Variants in UNC79 observed in about 807,000 individuals in gnomAD.
UNC79 encodes the protein protein unc-79 homolog.
In UNC79, 37 loss-of-function variants were observed where a neutral mutation model predicts 283.1. That is an observed-to-expected ratio of 0.13 (90% CI 0.10 to 0.17). The LOEUF (loss-of-function observed/expected upper bound fraction) is 0.17, where lower values mean the gene tolerates loss of function less well. UNC79 is among the 10% of genes least tolerant of loss of function. UNC79 has a pLI of 1.00. For synonymous variants in UNC79, 1,107 were observed against 1,200.2 expected, an observed-to-expected ratio of 0.92 and a Z score of 1.61; for missense variants, 2,272 against 3,211.1, an observed-to-expected ratio of 0.71 and a Z score of 7.07.
chr14:93,521,560 AG>A (rs2060321573), intron 7 of UNC79, among the ~76,000 whole-genome samples: 1 of 151,862 alleles, frequency 6.6e-6, no homozygotes, highest in South Asian at 2.1e-4. Flanking sequence ...GAAGAAAGCC[AG>A]GGTGATTGTG....
chr14:93,615,839 G>A (rs938397221), intron 27 of UNC79, among the ~76,000 whole-genome samples: 35 of 150,560 alleles, frequency 2.3e-4, no homozygotes, highest in Admixed American at 2.0e-4. Context: ...CAGAAAACCC[G>A]TGTCAAAAAT....
intron 1 of UNC79, among the ~76,000 whole-genome samples, chr14:93,409,827 C>A (rs1005065091): frequency 2.6e-5 from 4 of 152,122 alleles, no homozygotes; most frequent in African/African-American, 9.7e-5. Context: ...CAATTCCAGT[C>A]AAAATTTCAA....
intron 14 of UNC79, among the ~76,000 whole-genome samples, chr14:93,568,818 A>G (rs2063053798): frequency 6.6e-6 from 1 of 152,230 alleles, no homozygotes; most frequent in African/African-American, 2.4e-5. Context: ...CCTATTCATT[A>G]TAAGGGCTAA....
At chr14:93,422,831 C>G (rs1372221641) in intron 1 of UNC79, among the ~76,000 whole-genome samples, 2 of 151,834 alleles carry the variant, frequency 1.3e-5, no homozygotes, top group East Asian at 3.9e-4. Context: ...GAGGCCGAGA[C>G]AGGTGGATCA....
At chr14:93,664,571 A>C (rs2071959085) in intron 40 of UNC79, among the ~76,000 whole-genome samples, 1 of 152,140 alleles carries the variant, frequency 6.6e-6, no homozygotes, top group South Asian at 2.1e-4. Flanking sequence ...TTGAAAGCCT[A>C]TTCACTTGGT....
At chr14:93,576,215 A>G (rs2063468180) in intron 17 of UNC79, among the ~76,000 whole-genome samples, 1 of 152,206 alleles carries the variant, frequency 6.6e-6, no homozygotes, top group Non-Finnish European at 1.5e-5. Context: ...GTGATTTCCT[A>G]CAGAAACACC....
intron 47 of UNC79, among the ~76,000 whole-genome samples, chr14:93,703,512 C>A (rs2182570): frequency 1 from 152,274 of 152,340 alleles, 76,104 homozygotes; most frequent in Middle Eastern, 1. Flanking sequence ...TAAGGACACC[C>A]GTTATATTGG....
At chr14:93,653,171 A>C (rs1235782074) in intron 35 of UNC79, among the ~76,000 whole-genome samples, 1 of 152,076 alleles carries the variant, frequency 6.6e-6, no homozygotes, top group African/African-American at 2.4e-5. Context: ...GGGCCTCATA[A>C]ATTTGGCCCT....
intron 20 of UNC79, among the ~76,000 whole-genome samples, chr14:93,586,293 C>T (rs1372804157): frequency 6.6e-6 from 1 of 152,192 alleles, no homozygotes; most frequent in Non-Finnish European, 1.5e-5. Context: ...CAGCACTGTG[C>T]AATCAATCAT....
At chr14:93,357,774 T>C (rs904774688) in intron 1 of UNC79, among the ~76,000 whole-genome samples, 6 of 92,336 alleles carry the variant, frequency 6.5e-5, no homozygotes, top group Non-Finnish European at 1.0e-4. Context: ...TATATGGATA[T>C]GTGGATATAT....
chr14:93,692,955 A>G (rs770698851), intron 46 of UNC79, among the ~76,000 whole-genome samples: 7 of 152,256 alleles, frequency 4.6e-5, no homozygotes, highest in Non-Finnish European at 7.3e-5. Context: ...GAGGGACACC[A>G]TAATGATGAT....
intron 1 of UNC79, among the ~76,000 whole-genome samples, chr14:93,349,035 A>T (rs1423687256): frequency 6.6e-6 from 1 of 152,132 alleles, no homozygotes. Context: ...GAGCTGTAAC[A>T]CTCATGGCAA....
chr14:93,626,141 ACATATTTTCCTGGTCCATT>A (rs2067553639), intron 30 of UNC79, among the ~76,000 whole-genome samples: 1 of 152,246 alleles, frequency 6.6e-6, no homozygotes, highest in South Asian at 2.1e-4. Context: ...GACAATCGTA[ACATATTTTCCTGGTCCATT>A]CACATTTCCA....
At chr14:93,508,405 G>T (rs141341946) in intron 7 of UNC79, among the ~76,000 whole-genome samples, 110 of 152,212 alleles carry the variant, frequency 7.2e-4, no homozygotes, top group African/African-American at 2.6e-3. Context: ...ACAACAAAAA[G>T]AATTTCTGCC....
At chr14:93,580,462 C>A in intron 19 of UNC79, 86 bp downstream of exon 19, 1 of 1,280,652 alleles carries the variant, frequency 7.8e-7, no homozygotes, top group Non-Finnish European at 1.1e-6. Flanking sequence ...CCTCCAGCAG[C>A]ATCTTATACT....
intron 1 of UNC79, among the ~76,000 whole-genome samples, chr14:93,431,756 A>G (rs1376231803): frequency 1.3e-5 from 2 of 152,214 alleles, no homozygotes; most frequent in African/African-American, 4.8e-5. Flanking sequence ...TGGTTGTCCC[A>G]GTAATGACTG....
chr14:93,513,838 T>C lies in UNC79; in HGVS notation c.899-10140T>C, dbSNP rs140206739. Among the ~76,000 whole-genome samples the C allele has an allele frequency of 5.9e-5, 9 of 152,340 alleles. No homozygotes were observed. The East Asian group carries it at 1.7e-3, about 29-fold the overall frequency. On this transcript the variant is annotated intron_variant, in intron 7 of 48. Coordinates refer to ENST00000555664, the Ensembl canonical transcript of UNC79. ...GCCCTTCTCTTCCCAAGGACTTAAATTTATAACTTGTTAAGCCAAGTATAT... is the reference window on the plus strand; with the variant it reads ...GCCCTTCTCTTCCCAAGGACTTAAACTTATAACTTGTTAAGCCAAGTATAT...
chr14:93,644,464 TAGAC>T (rs1357707717), intron 34 of UNC79, among the ~76,000 whole-genome samples: 1 of 152,218 alleles, frequency 6.6e-6, no homozygotes, highest in Admixed American at 6.5e-5. Flanking sequence ...CTGCAGGCGT[TAGAC>T]AGAGCTCTTG....
At chr14:93,549,387 G>C (rs538866201) in intron 14 of UNC79, among the ~76,000 whole-genome samples, 1 of 152,104 alleles carries the variant, frequency 6.6e-6, no homozygotes, top group African/African-American at 2.4e-5. Flanking sequence ...GAAGCAAAAC[G>C]TGTGCTCAGC....
Sources: allele counts gnomAD v4.1 joint callset (sites outside exome capture counted in the v4.1 genomes callset), GRCh38; gene constraint gnomAD v4.1.1; transcripts MANE v1.5; gene names NCBI Gene and HGNC (gene_info 2026-07-23, HGNC 2026-07-21).